The following TRPM1 variants were observed in gnomAD, a reference collection of about 807,000 sequenced individuals.
The protein encoded by TRPM1 is TRPM1-203 APA Isoform, Intron 10.
TRPM1 carries 113 observed loss-of-function variants against 149.4 expected under a neutral mutation model. That is an observed-to-expected ratio of 0.76 (90% CI 0.65 to 0.88). TRPM1 has a LOEUF of 0.88. Among genes scored for constraint, TRPM1 ranks in the 40% least tolerant of loss-of-function variants. TRPM1 has a pLI of 0.00. For missense variants in TRPM1, 1,976 were observed against 2,038.7 expected (o/e 0.97, Z 0.59); for synonymous variants, 741 against 759.5 (o/e 0.98, Z 0.40).
At chr15:31,020,455 T>A (rs2032516136) in intron 27 of TRPM1, among the ~76,000 whole-genome samples, 1 of 152,256 alleles carries the variant, frequency 6.6e-6, no homozygotes, top group African/African-American at 2.4e-5. Context: ...GCCTTTCGGC[T>A]GTACGGTGTC....
chr15:31,052,741 C>G (rs1343660498), intron 11 of TRPM1, among the ~76,000 whole-genome samples: 1 of 152,206 alleles, frequency 6.6e-6, no homozygotes, highest in Non-Finnish European at 1.5e-5. Context: ...TGCCGTTGCA[C>G]TCCAGCCTGG....
At chr15:31,123,277 G>T (rs1350259527) in intron 1 of TRPM1, among the ~76,000 whole-genome samples, 1 of 152,140 alleles carries the variant, frequency 6.6e-6, no homozygotes, top group East Asian at 1.9e-4. Context: ...AGAGTTTGGC[G>T]ATGACTTTTC....
At chr15:31,100,560 T>C (rs1354347709) in intron 1 of TRPM1, among the ~76,000 whole-genome samples, 1 of 152,090 alleles carries the variant, frequency 6.6e-6, no homozygotes, top group Non-Finnish European at 1.5e-5. Context: ...GGAAAATTAA[T>C]TTGTGATAGA....
At chr15:31,147,357 G>A (rs1399851297) in intron 1 of TRPM1, among the ~76,000 whole-genome samples, 1 of 152,222 alleles carries the variant, frequency 6.6e-6, no homozygotes, top group Non-Finnish European at 1.5e-5. Context: ...TAATAAGATT[G>A]TGCTCACTTT....
intron 9 of TRPM1, 27 bp downstream of exon 9, chr15:31,062,552 G>C: frequency 6.2e-7 from 1 of 1,613,556 alleles, no homozygotes; most frequent in Non-Finnish European, 8.5e-7. Context: ...CACAGAGCTT[G>C]TTTGGAAATA....
At chr15:31,012,297 G>A (rs553224458) in intron 27 of TRPM1, among the ~76,000 whole-genome samples, 69 of 152,200 alleles carry the variant, frequency 4.5e-4, no homozygotes, top group South Asian at 1.0e-3. Context: ...CTCATAGTAG[G>A]TTTGCTAGTA....
intron 11 of TRPM1, among the ~76,000 whole-genome samples, chr15:31,057,739 C>T (rs2034121846): frequency 6.6e-6 from 1 of 152,054 alleles, no homozygotes. Flanking sequence ...GCTCTGTGTC[C>T]CACCCAAATC....
chr15:31,110,435 G>GA (rs1239829882), intron 1 of TRPM1, among the ~76,000 whole-genome samples: 1 of 152,042 alleles, frequency 6.6e-6, no homozygotes, highest in Non-Finnish European at 1.5e-5. Context: ...ACTGACTGAC[G>GA]AAAAAAATAA....
chr15:31,069,627 A>G, intron 4 of TRPM1: 2 of 1,323,014 alleles, frequency 1.5e-6, no homozygotes, highest in East Asian at 2.8e-5. Flanking sequence ...GCGCAGGCCC[A>G]GGGAAGCTGT....
intron 1 of TRPM1, among the ~76,000 whole-genome samples, chr15:31,113,632 A>C (rs1396779847): frequency 2.6e-5 from 4 of 152,158 alleles, no homozygotes; most frequent in Non-Finnish European, 4.4e-5. Context: ...ACTTTACTGT[A>C]CAAATTATTT....
chr15:31,113,749 T>C (rs1008033641), intron 1 of TRPM1, among the ~76,000 whole-genome samples: 8 of 152,204 alleles, frequency 5.3e-5, no homozygotes, highest in Non-Finnish European at 8.8e-5. Context: ...GAATGAAGCA[T>C]GCGGACCTTC....
chr15:31,123,383 C>T lies in TRPM1; in HGVS notation c.54+37523G>A, dbSNP rs556436831. 2.6e-5 allele frequency among the ~76,000 whole-genome samples: 4 copies of T among 152,202 alleles called. No individual in the cohort carries two copies. In the East Asian group the frequency reaches 7.7e-4, roughly 29 times the overall value. On this transcript the variant is annotated intron_variant, in intron 1 of 26. Coordinates refer to the TRPM1 transcript ENST00000542188. ...GCTCTGTAAAAGACATGGCTATGTACATTTAAAAAACAGAGACTAGGAGAA... is the reference window on the plus strand; with the variant it reads ...GCTCTGTAAAAGACATGGCTATGTATATTTAAAAAACAGAGACTAGGAGAA...
At chr15:31,087,231 A>AGTTT (rs2035026358) in intron 1 of TRPM1, among the ~76,000 whole-genome samples, 1 of 59,404 alleles carries the variant, frequency 1.7e-5, no homozygotes, top group Non-Finnish European at 2.9e-5. Context: ...CTCAATAGGG[A>AGTTT]TTTTTTTTTT....
chr15:31,099,010 GTT>G (rs1193823920), intron 1 of TRPM1, among the ~76,000 whole-genome samples: 1 of 152,160 alleles, frequency 6.6e-6, no homozygotes, highest in East Asian at 1.9e-4. Flanking sequence ...TGAAGATACA[GTT>G]TCTGAAAAGC....
At chr15:31,043,966 G>C (rs932061914) in intron 16 of TRPM1, among the ~76,000 whole-genome samples, 2 of 151,946 alleles carry the variant, frequency 1.3e-5, no homozygotes, top group Non-Finnish European at 2.9e-5. Flanking sequence ...AGGAAAAATT[G>C]ACATATTACC....
intron 27 of TRPM1, among the ~76,000 whole-genome samples, chr15:31,023,100 C>G (rs1304427648): frequency 6.6e-6 from 1 of 152,204 alleles, no homozygotes; most frequent in Non-Finnish European, 1.5e-5. Flanking sequence ...TCATGGTGGA[C>G]CAAACCCAGA....
intron 1 of TRPM1, among the ~76,000 whole-genome samples, chr15:31,158,275 C>A (rs1412528035): frequency 6.6e-6 from 1 of 151,994 alleles, no homozygotes; most frequent in Non-Finnish European, 1.5e-5. Context: ...GTGCTTGGAT[C>A]TCGTGCAAGA....
chr15:31,077,921 T>C (rs1177790834), intron 2 of TRPM1, among the ~76,000 whole-genome samples: 3 of 151,844 alleles, frequency 2.0e-5, no homozygotes, highest in Non-Finnish European at 4.4e-5. Flanking sequence ...TGCAGTGTAG[T>C]GTGTTGTGTG....
intron 1 of TRPM1, among the ~76,000 whole-genome samples, chr15:31,086,365 C>G (rs894412479): frequency 1.3e-5 from 2 of 152,232 alleles, no homozygotes; most frequent in African/African-American, 2.4e-5. Flanking sequence ...CCACTGCTCC[C>G]CATTTACAGA....
Sources: allele counts gnomAD v4.1 joint callset (sites outside exome capture counted in the v4.1 genomes callset), GRCh38; gene constraint gnomAD v4.1.1; transcripts MANE v1.5; gene names NCBI Gene and HGNC (gene_info 2026-07-23, HGNC 2026-07-21).